The following CFAP251 variants were observed in gnomAD, a reference collection of about 807,000 sequenced individuals.
The protein encoded by CFAP251 is cilia- and flagella-associated protein 251.
A neutral mutation model predicts 126.7 loss-of-function variants in CFAP251; 93 were observed. The observed-to-expected ratio is 0.73, with a 90% CI of 0.62 to 0.87. The LOEUF is 0.87. CFAP251 is among the 40% of genes least tolerant of loss of function. CFAP251 has a pLI of 0.00. For missense variants in CFAP251, 1,287 were observed against 1,389.2 expected (o/e 0.93, Z 1.17); for synonymous variants, 503 against 506.9 (o/e 0.99, Z 0.10).
At chr12:121,983,792 G>C (rs2135806234) in intron 19 of CFAP251, among the ~76,000 whole-genome samples, 1 of 152,068 alleles carries the variant, frequency 6.6e-6, no homozygotes, top group African/African-American at 2.4e-5. Flanking sequence ...GGCTCCAGGT[G>C]TGCCCCACAT....
At chr12:122,003,506 AAGGCTGCAGTGAGC>A in intron 21 of CFAP251, 132 bp from the exon 22 acceptor site, 1 of 558,074 alleles carries the variant, frequency 1.8e-6, no homozygotes. Flanking sequence ...CCAGGAGTTC[AAGGCTGCAGTGAGC>A]TATGATCGTG....
intron 17 of CFAP251, chr12:121,971,959 C>G (rs1882342452): frequency 3.9e-6 from 1 of 257,226 alleles, no homozygotes; most frequent in South Asian, 5.0e-5. Context: ...TCACTTGGCT[C>G]TCATTCTCTC....
chr12:121,931,288 T>C (rs569553784), intron 3 of CFAP251, among the ~76,000 whole-genome samples: 1 of 151,842 alleles, frequency 6.6e-6, no homozygotes, highest in East Asian at 2.0e-4. Flanking sequence ...AATTTTTTTT[T>C]AAATTGTGGT....
intron 15 of CFAP251, among the ~76,000 whole-genome samples, chr12:121,964,522 C>T (rs961278729): frequency 6.6e-6 from 1 of 152,166 alleles, no homozygotes; most frequent in African/African-American, 2.4e-5. Context: ...GGAGCTTCTG[C>T]CTGTTGATGA....
chr12:121,975,779 A>T, intron 19 of CFAP251, 94 bp downstream of exon 19: 1 of 1,378,048 alleles, frequency 7.3e-7, no homozygotes. Context: ...CAAAAATTGC[A>T]CATTTTTCTT....
intron 3 of CFAP251, 25 bp from the exon 4 acceptor site, chr12:121,931,721 T>C: frequency 6.5e-7 from 1 of 1,531,778 alleles, no homozygotes; most frequent in Non-Finnish European, 8.7e-7. Context: ...TGTAATGTCT[T>C]GCTGGCTTTG....
At chr12:121,959,369 A>G (rs1881845917) in intron 13 of CFAP251, 1 of 328,868 alleles carries the variant, frequency 3.0e-6, no homozygotes, top group Non-Finnish European at 5.6e-6. Context: ...GCGGGCCAGG[A>G]GTTTGAGGTT....
chr12:121,983,747 A>G (rs1185405396), intron 19 of CFAP251, among the ~76,000 whole-genome samples: 1 of 152,068 alleles, frequency 6.6e-6, no homozygotes. Context: ...CTTTAAAAAA[A>G]AAAAAACGTT....
chr12:121,960,450 T>C, intron 13 of CFAP251, 135 bp from the exon 14 acceptor site: 1 of 861,984 alleles, frequency 1.2e-6, no homozygotes, highest in South Asian at 1.7e-5. Context: ...ACTCCCGACC[T>C]CAGGTGATCC....
At chr12:121,971,435 T>G (rs921636305) in intron 17 of CFAP251, 2 of 670,192 alleles carry the variant, frequency 3.0e-6, no homozygotes, top group African/African-American at 3.5e-5. Flanking sequence ...CTAAGAAAGG[T>G]GTAGGAGTGT....
At chr12:121,981,156 A>G (rs1882610768) in intron 19 of CFAP251, among the ~76,000 whole-genome samples, 1 of 151,986 alleles carries the variant, frequency 6.6e-6, no homozygotes, top group African/African-American at 2.4e-5. Context: ...AGCAAACACA[A>G]AAACAGAGAA....
At chr12:121,929,166 C>T (rs988066446) in intron 3 of CFAP251, among the ~76,000 whole-genome samples, 11 of 151,556 alleles carry the variant, frequency 7.3e-5, no homozygotes, top group African/African-American at 2.4e-4. Flanking sequence ...ACTAAAAATA[C>T]AAAAATTATC....
At chr12:121,945,310 TTTG>T (rs1881274611) in intron 7 of CFAP251, among the ~76,000 whole-genome samples, 1 of 151,354 alleles carries the variant, frequency 6.6e-6, no homozygotes, top group Non-Finnish European at 1.5e-5. Flanking sequence ...GACTGTTTTT[TTTG>T]TTGTTGTTGT....
chr12:121,980,784 C>A (rs1882601837), intron 19 of CFAP251, among the ~76,000 whole-genome samples: 2 of 152,198 alleles, frequency 1.3e-5, no homozygotes, highest in Admixed American at 1.3e-4. Context: ...ACCAAATACC[C>A]ACCTCCTCTG....
chr12:121,984,892 A>C (rs1882708347), intron 19 of CFAP251, among the ~76,000 whole-genome samples: 1 of 152,174 alleles, frequency 6.6e-6, no homozygotes, highest in Non-Finnish European at 1.5e-5. Flanking sequence ...GCAACCACCT[A>C]GTTCTGTAAA....
chr12:121,967,043 T>C lies in CFAP251; in HGVS notation c.2581T>C (p.Tyr861His), dbSNP rs1383173725. The change falls in exon 16 of 22, where the codon TAC becomes CAC. Residue 861 changes from tyrosine (Y) to histidine (H), a missense_variant. By Grantham distance (83) the Tyr-to-His change is moderately conservative. Transcript: ENST00000288912. ...VRSMAELQKR[Y>H]LVFINRDKVG... ...AAGCATGGCGGAGCTACAGAAACGC[T>C]ACTTGGTGTTTATTAACAGAGACAA... 6.2e-7 allele frequency: 1 copy of C among 1,614,100 alleles called. No individual in the cohort carries two copies. The highest frequency in any genetic ancestry group is 8.5e-7 in the Non-Finnish European group (1 of 1,180,014).
intron 19 of CFAP251, among the ~76,000 whole-genome samples, chr12:121,982,747 C>T (rs924966839): frequency 1.3e-5 from 2 of 152,080 alleles, no homozygotes; most frequent in Non-Finnish European, 2.9e-5. Flanking sequence ...GCAACCAGTG[C>T]CCACGTGTCG....
At chr12:121,931,624 TA>T in intron 3 of CFAP251, 121 bp from the exon 4 acceptor site, 2 of 1,020,860 alleles carry the variant, frequency 2.0e-6, no homozygotes, top group Non-Finnish European at 1.3e-6. Flanking sequence ...AGGACTTTCT[TA>T]AAGTGGTTCC....
In CFAP251 at chr12:121,923,934, A is replaced by G. The variant is rs375556697; in HGVS notation, c.691A>G (p.Ser231Gly). ...GATCTCCCGGGAGTCACTGGTGTCC[A>G]GCACCACAGAGGACATTCTGTTTCA... is the stretch of plus-strand genomic sequence containing the variant. Reference protein sequence around the residue: ...AGISRESLVSSTTEDILFQKD... With the variant: ...AGISRESLVSGTTEDILFQKD... Residue 231 changes from serine (S) to glycine (G), a missense_variant, in exon 3 of 22, where the codon AGC (serine) becomes GGC (glycine). Coordinates refer to ENST00000288912, the MANE Select transcript of CFAP251 (RefSeq NM_144668.6). 1 of 1,614,070 alleles carries G rather than the reference A, an allele frequency of 6.2e-7. No individual in the cohort carries two copies. The highest frequency in any genetic ancestry group is 8.5e-7 in the Non-Finnish European group (1 of 1,180,018).
Sources: gnomAD v4.1 joint callset for allele counts (sites outside exome capture counted in the v4.1 genomes callset) on GRCh38, gnomAD v4.1.1 for gene constraint, MANE v1.5 for transcripts, NCBI Gene and HGNC (gene_info 2026-07-23, HGNC 2026-07-21) for gene names.